The following NPHP4 variants were observed in gnomAD, a reference collection of about 807,000 sequenced individuals.
The protein encoded by NPHP4 is nephrocystin-4.
NPHP4 carries 151 observed loss-of-function variants against 155.8 expected under a neutral mutation model. The observed-to-expected ratio is 0.97, with a 90% CI of 0.85 to 1.11. The LOEUF (loss-of-function observed/expected upper bound fraction) is 1.11, where lower values mean the gene tolerates loss of function less well. Among genes scored for constraint, NPHP4 ranks in the 50% least tolerant of loss-of-function variants. The pLI is 0.00. For synonymous variants in NPHP4, 845 were observed against 816.8 expected, an observed-to-expected ratio of 1.03 and a Z score of -0.59; for missense variants, 1,956 against 1,925.7, an observed-to-expected ratio of 1.02 and a Z score of -0.29.
chr1:5,920,559 GC>G (rs1645692423), intron 11 of NPHP4, among the ~76,000 whole-genome samples: 1 of 152,072 alleles, frequency 6.6e-6, no homozygotes. Flanking sequence ...GTTAATGATC[GC>G]CCGACAATCG....
chr1:5,931,627 G>A (rs1192387622), intron 10 of NPHP4, among the ~76,000 whole-genome samples: 1 of 150,984 alleles, frequency 6.6e-6, no homozygotes, highest in Non-Finnish European at 1.5e-5. Flanking sequence ...CCAGCTACTT[G>A]GGAGGCTGAG....
chr1:5,933,437 G>T, intron 9 of NPHP4, 108 bp from the exon 10 acceptor site: 1 of 864,436 alleles, frequency 1.2e-6, no homozygotes, highest in Non-Finnish European at 1.9e-6. Flanking sequence ...GCTCAGTGTA[G>T]CAAGGGGCAG....
chr1:5,958,305 G>A (rs765012980), intron 6 of NPHP4, among the ~76,000 whole-genome samples: 5 of 152,224 alleles, frequency 3.3e-5, no homozygotes, highest in Admixed American at 6.5e-5. Flanking sequence ...CAGCACTTTG[G>A]GAGGCCAAGG....
Position 5,969,199 on chromosome 1 carries a change from C to A in NPHP4, c.340G>T (p.Ala114Ser). 2 of 1,580,892 alleles carry A rather than the reference C, an allele frequency of 1.3e-6. No individual in the cohort carries two copies. The highest frequency in any genetic ancestry group is 2.3e-5 in the East Asian group (1 of 43,462). ...PHIVAVVEVV[A>S]EGKKRDGSLQ... Reference sequence around the variant, plus strand: ...CTCCCATCCCGTTTCTTGCCCTCAGCGACCACTTCCACCACAGCCACGATA... The same window carrying A: ...CTCCCATCCCGTTTCTTGCCCTCAGAGACCACTTCCACCACAGCCACGATA... Residue 114 changes from alanine to serine, a missense_variant, in exon 4 of 30, where the codon GCT becomes TCT. Transcript: ENST00000378156.
In NPHP4 at chr1:5,864,505, C is replaced by A; in HGVS notation, c.3829G>T (p.Gly1277Cys). 2.5e-6 allele frequency: 4 copies of A among 1,575,740 alleles called. No homozygotes were observed. The highest frequency in any genetic ancestry group is 2.3e-5 in the East Asian group (1 of 43,426). The stretch of plus-strand genomic sequence containing the variant: ...CCACGAGGCGGCAGCACGAAGACAC[C>A]TTTGGGGTCTGTCTTCAAGAGCGAG... ...HPQELKTDPK[G>C]VFVLPPRGVQ... Residue 1277 changes from glycine to cysteine, a missense_variant, in exon 28 of 30, where the codon GGT becomes TGT. Gly to Cys is a radical substitution (Grantham distance 159, BLOSUM62 -3). Transcript: ENST00000378156.
intron 1 of NPHP4, 71 bp from the exon 2 acceptor site, chr1:5,986,398 T>C (rs1655497960): frequency 2.4e-6 from 3 of 1,248,984 alleles, no homozygotes; most frequent in Admixed American, 5.3e-5. Context: ...CCTGAAGGCT[T>C]CTGCCTCCCA....
At chr1:5,946,614 G>A (rs545516158) in intron 9 of NPHP4, among the ~76,000 whole-genome samples, 26 of 152,286 alleles carry the variant, frequency 1.7e-4, no homozygotes, top group African/African-American at 6.0e-4. Flanking sequence ...TGAAACCCCC[G>A]GAATCTCCGA....
chr1:5,877,523 A>G (rs1642742226), intron 19 of NPHP4: 1 of 402,922 alleles, frequency 2.5e-6, no homozygotes, highest in South Asian at 9.8e-5. Context: ...CTTCAAATTA[A>G]AAGCAATTCT....
At chr1:5,875,512 T>C (rs573167287) in intron 20 of NPHP4, among the ~76,000 whole-genome samples, 1 of 152,252 alleles carries the variant, frequency 6.6e-6, no homozygotes, top group East Asian at 1.9e-4. Flanking sequence ...GGGCCCAGCG[T>C]CCACAGGAGA....
rs575656895 is a variant in NPHP4, at chr1:5,882,896, G to A, written c.2486-2657C>T. 1 of 152,392 alleles carries A rather than the reference G, an allele frequency of 6.6e-6. No homozygotes were observed. 9.4% of individuals were successfully genotyped at this position (152,392 alleles called of 1,614,324 possible). On this transcript the variant is annotated intron_variant, in intron 18 of 29. Coordinates refer to ENST00000378156, the MANE Select transcript of NPHP4 (RefSeq NM_015102.5). The surrounding 1 kb of genome is among the most constrained non-coding windows in gnomAD (Gnocchi z 5.1). ...AATCCGTTTTTGGCCCTGACAACTC[G>A]TGGTCACAGGATCAAGATCCTCGTC...
At chr1:5,951,104 A>T (rs1223309309) in intron 7 of NPHP4, among the ~76,000 whole-genome samples, 2 of 152,324 alleles carry the variant, frequency 1.3e-5, no homozygotes, top group East Asian at 3.9e-4. Flanking sequence ...GTAGAACCAG[A>T]ACAGAAAGCC....
intron 19 of NPHP4, chr1:5,879,575 A>C (rs1325301616): frequency 1.9e-6 from 1 of 518,888 alleles, no homozygotes; most frequent in Non-Finnish European, 3.8e-6. Context: ...ACCAGACACA[A>C]ATGCCACTGG....
At chr1:5,917,415 A>G (rs1645531457) in intron 11 of NPHP4, among the ~76,000 whole-genome samples, 1 of 151,840 alleles carries the variant, frequency 6.6e-6, no homozygotes, top group African/African-American at 2.4e-5. Flanking sequence ...AGGGGAGGGG[A>G]GGGGGTAGGG....
At position 5,905,321 on chromosome 1, in the gene NPHP4, C is replaced by T. The variant is rs12120967; in HGVS notation, c.1926G>A (p.Glu642=). The change falls in exon 15 of 30, where the codon GAG becomes GAA. Residue 642 remains glutamate (E), a synonymous_variant. Coordinates refer to ENST00000378156, the MANE Select transcript of NPHP4 (RefSeq NM_015102.5). This position sits in a 1 kb window ranked among gnomAD's most constrained non-coding sequence, Gnocchi z 4.0. The part of the protein sequence containing the change: ...KEESDCLQSN[E]MVLQFLAFSR... ...TAAAGGCAAGAAACTGTAGCACCAT[C>T]TCGTTGCTTTGTAGACAATCTGATT... 244,474 of 1,612,892 alleles carry T rather than the reference C, an allele frequency of 0.15. 19,853 individuals carry two copies. Among genetic ancestry groups the T allele is most frequent in the Non-Finnish European group, 0.17 (197,135 of 1,178,896 alleles).
At chr1:5,904,538 C>T in intron 16 of NPHP4, 79 bp downstream of exon 16, 1 of 1,149,214 alleles carries the variant, frequency 8.7e-7, no homozygotes, top group Non-Finnish European at 1.2e-6. Flanking sequence ...CATAGTACCA[C>T]TTATTTAATA....
rs763649715 is a variant in NPHP4, at chr1:5,867,839, GCTC to G, written c.3370_3372del (p.Glu1124del). On this transcript the variant is annotated inframe_deletion, in exon 24 of 30. Coordinates refer to ENST00000378156, the MANE Select transcript of NPHP4 (RefSeq NM_015102.5). The surrounding 1 kb of genome is among the most constrained non-coding windows in gnomAD (Gnocchi z 4.1). Reference sequence around the variant, plus strand: ...ACCTGGTCCACCACGTGGGGCTGCAGCTCCACAGTCAGGCAGAGCACGGCGATG... The same window carrying G: ...ACCTGGTCCACCACGTGGGGCTGCAGCACAGTCAGGCAGAGCACGGCGATG... The G allele has an allele frequency of 6.2e-7, 1 of 1,613,894 alleles. No individual in the cohort carries two copies. Among genetic ancestry groups the G allele is most frequent in the South Asian group, 1.1e-5 (1 of 91,090 alleles).
chr1:5,939,281 A>G (rs1417925173), intron 9 of NPHP4, among the ~76,000 whole-genome samples: 1 of 152,280 alleles, frequency 6.6e-6, no homozygotes, highest in African/African-American at 2.4e-5. Flanking sequence ...AACTCTTCAC[A>G]CAGGGTAATA....
chr1:5,932,343 C>T (rs1646319427), intron 10 of NPHP4, among the ~76,000 whole-genome samples: 1 of 152,216 alleles, frequency 6.6e-6, no homozygotes, highest in African/African-American at 2.4e-5. Flanking sequence ...TCAATCTTCT[C>T]AAACCTTGCC....
rs368590779 is a variant in NPHP4 at position 5,863,919 on chromosome 1, G to A, written c.4111C>T (p.Leu1371=). The A allele has an allele frequency of 5.6e-6, 9 of 1,613,872 alleles. No homozygotes were observed. The highest frequency in any genetic ancestry group is 7.6e-6 in the Non-Finnish European group (9 of 1,179,884). ...TFHLHSDHPE[L]LRFREDSFQV... ...AAGGAGTCCTCTCTGAACCGCAGCAGCTCCGGGTGGTCGCTGTGCAGGTGG... is the reference window on the plus strand; with the variant it reads ...AAGGAGTCCTCTCTGAACCGCAGCAACTCCGGGTGGTCGCTGTGCAGGTGG... The change falls in exon 29 of 30, where the codon CTG becomes TTG. Residue 1371 remains leucine (L), a synonymous_variant. Coordinates refer to ENST00000378156, the MANE Select transcript of NPHP4 (RefSeq NM_015102.5).
Sources: gnomAD v4.1 joint callset for allele counts (sites outside exome capture counted in the v4.1 genomes callset) on GRCh38, gnomAD v4.1.1 for gene constraint, Gnocchi (gnomAD v3.1) non-coding constraint, MANE v1.5 for transcripts, NCBI Gene and HGNC (gene_info 2026-07-23, HGNC 2026-07-21) for gene names.